AP1AR: variants seen among roughly 807,000 people sequenced by gnomAD.
AP1AR encodes AP-1 complex-associated regulatory protein.
Under a neutral mutation model 46.3 loss-of-function variants are expected in AP1AR, and 29 were observed. The observed-to-expected ratio is 0.63, with a 90% CI of 0.47 to 0.85. AP1AR has a LOEUF of 0.85. Among genes scored for constraint, AP1AR ranks in the 40% least tolerant of loss-of-function variants. AP1AR has a pLI of 0.00. For synonymous variants in AP1AR, 122 were observed against 122.9 expected (o/e 0.99, Z 0.05); for missense variants, 357 against 356.3 (o/e 1.00, Z -0.02).
rs1176923332 is a variant in AP1AR at position 112,231,971 on chromosome 4, C to G, written c.-121C>G. Reference sequence around the variant, plus strand: ...TGCCCTCACGCCGCCGGGCTCTGGCCGGCCCGCCCTCGGTCCTTGAACCCC... The same window carrying G: ...TGCCCTCACGCCGCCGGGCTCTGGCGGGCCCGCCCTCGGTCCTTGAACCCC... On this transcript the variant is annotated 5_prime_UTR_variant, in exon 1 of 10. Transcript: ENST00000274000. 2 of 929,530 alleles carry G rather than the reference C, an allele frequency of 2.2e-6. No individual in the cohort carries two copies. The highest frequency in any genetic ancestry group is 4.3e-5 in the Admixed American group (1 of 23,322). The allele number at this position is 929,530 out of a possible 1,614,324, so 57.6% of individuals were successfully genotyped here.
At chr4:112,264,768 T>G (rs1726603278) in intron 6 of AP1AR, among the ~76,000 whole-genome samples, 1 of 152,096 alleles carries the variant, frequency 6.6e-6, no homozygotes, top group Admixed American at 6.6e-5. Context: ...AAGTTATTTT[T>G]TAATAACACT....
chr4:112,233,865 C>CTT (rs202086570), intron 1 of AP1AR, among the ~76,000 whole-genome samples: 5 of 151,420 alleles, frequency 3.3e-5, no homozygotes, highest in African/African-American at 1.2e-4. Context: ...GTATTTCTTT[C>CTT]TTTTTTTTTG....
chr4:112,239,271 C>G (rs1238704277), intron 1 of AP1AR, among the ~76,000 whole-genome samples: 1 of 152,192 alleles, frequency 6.6e-6, no homozygotes, highest in Non-Finnish European at 1.5e-5. Flanking sequence ...GCTATTAACC[C>G]TATCTCCTAT....
At chr4:112,266,301 G>T (rs191788153) in intron 8 of AP1AR, among the ~76,000 whole-genome samples, 1 of 151,520 alleles carries the variant, frequency 6.6e-6, no homozygotes, top group Non-Finnish European at 1.5e-5. Flanking sequence ...GTGCCGCTTT[G>T]TAATTGACTG....
At chr4:112,236,450 A>C (rs1463341019) in intron 1 of AP1AR, among the ~76,000 whole-genome samples, 1 of 149,096 alleles carries the variant, frequency 6.7e-6, no homozygotes, top group East Asian at 2.0e-4. Context: ...GCCCAGGCTG[A>C]AATGCACTGG....
intron 1 of AP1AR, among the ~76,000 whole-genome samples, chr4:112,245,141 AATGTCACCAG>A (rs1202342129): frequency 6.6e-6 from 1 of 152,136 alleles, no homozygotes; most frequent in Non-Finnish European, 1.5e-5. Flanking sequence ...TTTAACTTTA[AATGTCACCAG>A]ATTTATATAC....
chr4:112,254,837 C>CCTG, intron 3 of AP1AR, 64 bp downstream of exon 3: 1 of 801,600 alleles, frequency 1.2e-6, no homozygotes, highest in South Asian at 2.8e-5. Flanking sequence ...CTCATTAGTT[C>CCTG]TAACAATTAC....
At chr4:112,242,019 C>A (rs904241593) in intron 1 of AP1AR, among the ~76,000 whole-genome samples, 2 of 152,022 alleles carry the variant, frequency 1.3e-5, no homozygotes, top group Non-Finnish European at 2.9e-5. Context: ...TTATTTTATT[C>A]TGACAGATAT....
chr4:112,265,400 G>T, intron 7 of AP1AR: 1 of 353,790 alleles, frequency 2.8e-6, no homozygotes, highest in Non-Finnish European at 5.0e-6. Flanking sequence ...AAGTTTATGT[G>T]TGGTCATTTT....
intron 4 of AP1AR, among the ~76,000 whole-genome samples, chr4:112,258,956 T>C (rs1375354923): frequency 6.6e-6 from 1 of 152,062 alleles, no homozygotes; most frequent in African/African-American, 2.4e-5. Context: ...ATCACCTAAC[T>C]GAGGTGGGGG....
chr4:112,266,068 A>G (rs574665593), intron 8 of AP1AR, among the ~76,000 whole-genome samples: 3 of 151,804 alleles, frequency 2.0e-5, no homozygotes, highest in Admixed American at 2.0e-4. Context: ...TCTGATCCTA[A>G]CCCTTCCCTT....
intron 4 of AP1AR, among the ~76,000 whole-genome samples, chr4:112,259,849 A>C (rs1726363563): frequency 6.6e-6 from 1 of 152,164 alleles, no homozygotes. Flanking sequence ...GAGGATGGTG[A>C]GGAGAATAGG....
At chr4:112,242,377 T>G (rs1055528124) in intron 1 of AP1AR, among the ~76,000 whole-genome samples, 33 of 152,144 alleles carry the variant, frequency 2.2e-4, no homozygotes, top group Non-Finnish European at 4.4e-5. Context: ...ACCCCTCTGA[T>G]GTCCTTTATG....
At position 112,257,762 on chromosome 4, in the gene AP1AR, T is replaced by A; in HGVS notation, c.160-10T>A. The A allele has an allele frequency of 6.4e-7, 1 of 1,561,646 alleles. No individual in the cohort carries two copies. Among genetic ancestry groups the A allele is most frequent in the African/African-American group, 1.4e-5 (1 of 71,596 alleles). On this transcript the variant is annotated splice_polypyrimidine_tract_variant and intron_variant, in intron 3 of 9. Transcript: ENST00000274000. Reference sequence around the variant, plus strand: ...AATTTGTTTTAATTGTTTAATTAATTTTTGTACAGGGGGAGAGCCCAGGAA... The same window carrying A: ...AATTTGTTTTAATTGTTTAATTAATATTTGTACAGGGGGAGAGCCCAGGAA...
In AP1AR at chr4:112,263,041, A is replaced by G. The variant is rs1435013489; in HGVS notation, c.336A>G (p.Ala112=). 1 of 1,613,978 alleles carries G rather than the reference A, an allele frequency of 6.2e-7. No homozygotes were observed. The highest frequency in any genetic ancestry group is 8.5e-7 in the Non-Finnish European group (1 of 1,179,882). The change falls in exon 6 of 10, where the codon GCA becomes GCG. Residue 112 remains alanine (A), a synonymous_variant. Transcript: ENST00000274000. Reference sequence around the variant, plus strand: ...TAGAAGAAGAAGCTTTATACGCTGCACAGCGTGAAGCAGCCAGGGCAGCAA... The same window carrying G: ...TAGAAGAAGAAGCTTTATACGCTGCGCAGCGTGAAGCAGCCAGGGCAGCAA... ...LRLEEEALYA[A]QREAARAAKQ... is the part of the protein sequence containing the mutation.
Position 112,265,805 on chromosome 4 carries a change from GTAGT to G in AP1AR, c.513_514+2del. On this transcript the variant is annotated splice_donor_variant and coding_sequence_variant, in exon 8 of 10. Coordinates refer to ENST00000274000, the MANE Select transcript of AP1AR (RefSeq NM_018569.6). LOFTEE classifies it high-confidence loss of function. The stretch of plus-strand genomic sequence containing the variant: ...TCACAGTATGAAGTTTTTCGAAGTA[GTAGT>G]AAGTTTTTTAAAGTATTTTCTGTAC... The G allele has an allele frequency of 6.2e-7, 1 of 1,601,790 alleles. No individual in the cohort carries two copies. The highest frequency in any genetic ancestry group is 1.1e-5 in the South Asian group (1 of 90,244).
chr4:112,240,552 T>C (rs766774325), intron 1 of AP1AR, among the ~76,000 whole-genome samples: 4 of 152,252 alleles, frequency 2.6e-5, no homozygotes, highest in Non-Finnish European at 4.4e-5. Context: ...ACATATTACA[T>C]GTTCAGTAAA....
At chr4:112,236,953 C>T (rs180762545) in intron 1 of AP1AR, among the ~76,000 whole-genome samples, 4 of 152,298 alleles carry the variant, frequency 2.6e-5, no homozygotes, top group African/African-American at 7.2e-5. Context: ...TGATAACTTA[C>T]TATCCTCCCA....
chr4:112,240,984 A>T (rs1288381185), intron 1 of AP1AR, among the ~76,000 whole-genome samples: 1 of 152,210 alleles, frequency 6.6e-6, no homozygotes, highest in Non-Finnish European at 1.5e-5. Flanking sequence ...CAGATGCTGC[A>T]CACAAATTGC....
Sources: gnomAD v4.1 joint callset for allele counts (sites outside exome capture counted in the v4.1 genomes callset) on GRCh38, gnomAD v4.1.1 for gene constraint, MANE v1.5 for transcripts, NCBI Gene and HGNC (gene_info 2026-07-23, HGNC 2026-07-21) for gene names.